The following MACROD2 variants were observed in gnomAD, a reference collection of about 807,000 sequenced individuals.
MACROD2 encodes the protein mono-ADP ribosylhydrolase 2.
In MACROD2, 36 loss-of-function variants were observed where a neutral mutation model predicts 70.4. The ratio of observed to expected loss-of-function variants is 0.51; its 90% CI spans 0.39 to 0.68. The LOEUF (loss-of-function observed/expected upper bound fraction) is 0.68. MACROD2 is among the 30% of genes least tolerant of loss of function. MACROD2 has a pLI of 0.00. For missense variants in MACROD2, 496 were observed against 538.4 expected (o/e 0.92, Z 0.78); for synonymous variants, 172 against 178.8 (o/e 0.96, Z 0.30).
chr20:14,429,036 G>C (rs559720563), intron 3 of MACROD2, among the ~76,000 whole-genome samples: 1 of 152,094 alleles, frequency 6.6e-6, no homozygotes, highest in African/African-American at 2.4e-5. Context: ...TTAATATGCA[G>C]TATTTACTGC....
At chr20:14,926,000 AT>A (rs2074226215) in intron 5 of MACROD2, among the ~76,000 whole-genome samples, 1 of 152,190 alleles carries the variant, frequency 6.6e-6, no homozygotes. Context: ...TACTTACTCC[AT>A]GAATTTAGGC....
At chr20:14,997,808 G>A (rs2074962763) in intron 5 of MACROD2, among the ~76,000 whole-genome samples, 1 of 152,146 alleles carries the variant, frequency 6.6e-6, no homozygotes, top group African/African-American at 2.4e-5. Flanking sequence ...TACTGTGCTG[G>A]CCTCGGGTCT....
intron 5 of MACROD2, among the ~76,000 whole-genome samples, chr20:15,218,697 C>A (rs1000445746): frequency 3.4e-4 from 51 of 152,128 alleles, no homozygotes; most frequent in African/African-American, 1.2e-3. Context: ...AGTGGAAATA[C>A]CCCGATTATC....
chr20:14,888,976 A>G (rs2122499120), intron 5 of MACROD2, among the ~76,000 whole-genome samples: 1 of 152,218 alleles, frequency 6.6e-6, no homozygotes, highest in Middle Eastern at 3.4e-3. Context: ...TTAATCTTAA[A>G]CAAAAGGCAT....
intron 15 of MACROD2, among the ~76,000 whole-genome samples, chr20:15,992,507 G>A (rs1255819499): frequency 6.6e-6 from 1 of 152,024 alleles, no homozygotes; most frequent in Admixed American, 6.6e-5. Context: ...TTCACTCCGT[G>A]CAGTACCACA....
At chr20:15,150,479 G>A (rs977917294) in intron 5 of MACROD2, among the ~76,000 whole-genome samples, 1 of 151,994 alleles carries the variant, frequency 6.6e-6, no homozygotes, top group African/African-American at 2.4e-5. Flanking sequence ...TGGGGGAATT[G>A]TAAGGAGAAT....
At chr20:14,123,905 T>C (rs1394869655) in intron 3 of MACROD2, among the ~76,000 whole-genome samples, 2 of 152,168 alleles carry the variant, frequency 1.3e-5, no homozygotes, top group Non-Finnish European at 2.9e-5. Flanking sequence ...TGAAGATGCT[T>C]ATCTTTCCCT....
intron 8 of MACROD2, among the ~76,000 whole-genome samples, chr20:15,697,650 A>C (rs964111608): frequency 6.6e-6 from 1 of 152,180 alleles, no homozygotes; most frequent in Non-Finnish European, 1.5e-5. Flanking sequence ...CTGTCAGTGG[A>C]GTACAGAAGT....
Position 15,503,585 on chromosome 20 carries a change from C to T in MACROD2, c.645+3738C>T, listed in dbSNP as rs1420458382. ...AGAGGGGTCTCATGAATTATAGAAT[C>T]CCAAACTATAAATCCAATAAGAACC... On this transcript the variant is annotated intron_variant, in intron 8 of 17. Coordinates refer to ENST00000684519, the MANE Select transcript of MACROD2 (RefSeq NM_001351661.2). Among the ~76,000 whole-genome samples the T allele has an allele frequency of 2.6e-5, 4 of 152,238 alleles. No homozygotes were observed. In the East Asian group the frequency reaches 7.7e-4, roughly 29 times the overall value.
At chr20:14,045,240 C>T (rs981782799) in intron 2 of MACROD2, among the ~76,000 whole-genome samples, 5 of 152,260 alleles carry the variant, frequency 3.3e-5, no homozygotes, top group Non-Finnish European at 5.9e-5. Flanking sequence ...CACAGTGCAG[C>T]GGTGGGCTGA....
chr20:14,952,521 T>G (rs1206811524), intron 5 of MACROD2, among the ~76,000 whole-genome samples: 1 of 152,138 alleles, frequency 6.6e-6, no homozygotes, highest in Non-Finnish European at 1.5e-5. Flanking sequence ...GGGAACAACT[T>G]ATTAATATTT....
intron 3 of MACROD2, among the ~76,000 whole-genome samples, chr20:14,266,575 T>TA (rs888423084): frequency 2.6e-5 from 4 of 152,146 alleles, no homozygotes; most frequent in African/African-American, 7.2e-5. Context: ...ATCTACTAGA[T>TA]AAAAAAATAG....
chr20:14,026,374 A>G (rs143925338), intron 2 of MACROD2, among the ~76,000 whole-genome samples: 1 of 152,150 alleles, frequency 6.6e-6, no homozygotes, highest in Non-Finnish European at 1.5e-5. Context: ...TGTAAATTTG[A>G]TCCTGTCATT....
At chr20:14,337,363 T>A in intron 3 of MACROD2, 150 of 265,406 alleles carry the variant, frequency 5.7e-4, no homozygotes, top group South Asian at 7.5e-4. Flanking sequence ...CCAAGCAAAC[T>A]TTCTGGGACA....
At chr20:16,048,532 C>A (rs1601381156) in intron 17 of MACROD2, among the ~76,000 whole-genome samples, 1 of 151,972 alleles carries the variant, frequency 6.6e-6, no homozygotes. Context: ...TTGATTGATA[C>A]CCACCAAGCA....
intron 2 of MACROD2, among the ~76,000 whole-genome samples, chr20:14,034,880 C>T (rs1250538518): frequency 6.6e-6 from 1 of 151,954 alleles, no homozygotes; most frequent in Non-Finnish European, 1.5e-5. Flanking sequence ...AGATTTTTTC[C>T]ATTTTACTTA....
At chr20:15,534,377 A>G (rs1050753245) in intron 8 of MACROD2, among the ~76,000 whole-genome samples, 1 of 152,234 alleles carries the variant, frequency 6.6e-6, no homozygotes, top group Non-Finnish European at 1.5e-5. Flanking sequence ...AAAGCCTATT[A>G]CATTAAAGTA....
intron 8 of MACROD2, among the ~76,000 whole-genome samples, chr20:15,689,739 G>T (rs1052775739): frequency 1.3e-5 from 2 of 152,184 alleles, no homozygotes; most frequent in African/African-American, 2.4e-5. Flanking sequence ...TCAGGTGGAA[G>T]TATATCTGGG....
At chr20:15,075,178 A>C (rs555725293) in intron 5 of MACROD2, among the ~76,000 whole-genome samples, 1 of 152,152 alleles carries the variant, frequency 6.6e-6, no homozygotes, top group African/African-American at 2.4e-5. Flanking sequence ...AAATTATTTC[A>C]GCTTTTCTGT....
Sources: allele counts gnomAD v4.1 joint callset (sites outside exome capture counted in the v4.1 genomes callset), GRCh38; gene constraint gnomAD v4.1.1; transcripts MANE v1.5; gene names NCBI Gene and HGNC (gene_info 2026-07-23, HGNC 2026-07-21).